BAD: variants seen among roughly 807,000 people sequenced by gnomAD.
BAD encodes the protein bcl2-associated agonist of cell death.
BAD carries 18 observed loss-of-function variants against 17.8 expected under a neutral mutation model. The observed-to-expected ratio is 1.01, with a 90% CI of 0.70 to 1.50. BAD has a LOEUF of 1.50. BAD is among the 40% of genes most tolerant of loss of function. The probability of loss-of-function intolerance (pLI) is 0.00; values close to 1 mark genes in which losing one functional copy is unlikely to be tolerated. For synonymous variants in BAD, 112 were observed against 91.5 expected (o/e 1.22, Z -1.28); for missense variants, 294 against 239.3 (o/e 1.23, Z -1.51).
chr11:64,284,596 C>T (rs2033729026), intron 1 of BAD, 35 bp downstream of exon 1: 11 of 1,498,296 alleles, frequency 7.3e-6, no homozygotes, highest in Non-Finnish European at 9.8e-6. Flanking sequence ...GACCCAGGCC[C>T]CGCCCCGCCC....
chr11:64,278,157 G>T (rs994890458), intron 2 of BAD, among the ~76,000 whole-genome samples: 14 of 152,024 alleles, frequency 9.2e-5, no homozygotes, highest in Non-Finnish European at 1.9e-4. Context: ...AGCCAGGCAT[G>T]GTGGCGTGCG....
chr11:64,271,614 T>C lies in BAD; in HGVS notation c.377A>G (p.Lys126Arg). Residue 126 changes from lysine (K) to arginine (R), a missense_variant and splice_region_variant, in exon 3 of 4, where the codon AAG becomes AGG. Physicochemically the swap from Lys to Arg is conservative, Grantham distance 26. Coordinates refer to ENST00000309032, the MANE Select transcript of BAD (RefSeq NM_032989.3). ...GGCACGCTGGGGACTGGCGCTCACCTTAAAGGAGTCCACAAACTCGTCACT... is the reference window on the plus strand; with the variant it reads ...GGCACGCTGGGGACTGGCGCTCACCCTAAAGGAGTCCACAAACTCGTCACT... ...RMSDEFVDSF[K>R]KGLPRPKSAG... The C allele has an allele frequency of 6.7e-7, 1 of 1,484,916 alleles. No individual in the cohort carries two copies. Among genetic ancestry groups the C allele is most frequent in the Admixed American group, 2.4e-5 (1 of 42,174 alleles). The allele number at this position is 1,484,916 out of a possible 1,614,324, so 92.0% of individuals were successfully genotyped here. A position where few individuals can be genotyped will look rare whatever the true frequency, so the allele number is the denominator to read the frequency against.
rs2032392303 is a variant in BAD, at chr11:64,270,070, A to C, written c.*139T>G. 3.5e-6 allele frequency: 5 copies of C among 1,419,274 alleles called. No homozygotes were observed. Among genetic ancestry groups the C allele is most frequent in the African/African-American group, 2.8e-5 (2 of 70,248 alleles). 87.9% of individuals were successfully genotyped at this position (1,419,274 alleles called of 1,614,324 possible). A position where few individuals can be genotyped will look rare whatever the true frequency, so the allele number is the denominator to read the frequency against. On this transcript the variant is annotated 3_prime_UTR_variant, in exon 4 of 4. Transcript: ENST00000309032. ...GTGGCTTCACACGCACCGGAAGGGA[A>C]TCTGGGTCAGCCCTCCCTCCAAAGG...
intron 2 of BAD, among the ~76,000 whole-genome samples, chr11:64,283,634 G>T (rs1037352728): frequency 1.3e-5 from 2 of 152,216 alleles, no homozygotes; most frequent in Non-Finnish European, 2.9e-5. Flanking sequence ...TAATCCCAGG[G>T]AAAGCATGTA....
At chr11:64,282,942 C>T (rs1171587741) in intron 2 of BAD, among the ~76,000 whole-genome samples, 1 of 151,774 alleles carries the variant, frequency 6.6e-6, no homozygotes, top group Non-Finnish European at 1.5e-5. Context: ...GTCCACACAC[C>T]TGTATTCCCA....
chr11:64,269,931 G>T lies in BAD; in HGVS notation c.*278C>A, dbSNP rs1388075044. 1.4e-6 allele frequency: 1 copy of T among 711,694 alleles called. No homozygotes were observed. The highest frequency in any genetic ancestry group is 2.5e-6 in the Non-Finnish European group (1 of 396,796). The allele number at this position is 711,694 out of a possible 1,614,324, so 44.1% of individuals were successfully genotyped here. ...GTGACGCAACGGTTAAACCTGGCTC[G>T]CGACTTAGCGCAGGCGCCTGGGGGA... is the stretch of plus-strand genomic sequence containing the variant. On this transcript the variant is annotated 3_prime_UTR_variant, in exon 4 of 4. Coordinates refer to ENST00000309032, the MANE Select transcript of BAD (RefSeq NM_032989.3).
At chr11:64,278,155 A>C (rs963810975) in intron 2 of BAD, among the ~76,000 whole-genome samples, 1 of 152,050 alleles carries the variant, frequency 6.6e-6, no homozygotes, top group African/African-American at 2.4e-5. Flanking sequence ...TTAGCCAGGC[A>C]TGGTGGCGTG....
At chr11:64,270,577 G>A (rs2032431386) in intron 3 of BAD, 2 of 703,578 alleles carry the variant, frequency 2.8e-6, no homozygotes, top group Non-Finnish European at 5.1e-6. Flanking sequence ...GGATGCCTAG[G>A]GCCCTAAATG....
chr11:64,274,160 A>C (rs2032859275), intron 2 of BAD, among the ~76,000 whole-genome samples: 1 of 152,160 alleles, frequency 6.6e-6, no homozygotes, highest in South Asian at 2.1e-4. Flanking sequence ...TGGGAGGCCG[A>C]GGCAGGCGCA....
chr11:64,282,703 C>G (rs1428569180), intron 2 of BAD, among the ~76,000 whole-genome samples: 1 of 151,578 alleles, frequency 6.6e-6, no homozygotes, highest in East Asian at 1.9e-4. Flanking sequence ...CACGGTGAAA[C>G]CCCATCTCTA....
Position 64,269,894 on chromosome 11 carries a change from G to A in BAD, c.*315C>T, listed in dbSNP as rs769570355. ...GCACGGCCCCCAGGGCATCGCGGGG[G>A]CTCGGGTCCCGGTGACGCAACGGTT... is the stretch of plus-strand genomic sequence containing the variant. On this transcript the variant is annotated 3_prime_UTR_variant, in exon 4 of 4. Transcript: ENST00000309032. 4.3e-6 allele frequency: 3 copies of A among 700,112 alleles called. No individual in the cohort carries two copies. The highest frequency in any genetic ancestry group is 1.7e-5 in the African/African-American group (1 of 57,186). 43.4% of individuals were successfully genotyped at this position (700,112 alleles called of 1,614,324 possible).
chr11:64,270,275 C>T lies in BAD; in HGVS notation c.441G>A (p.Trp147Ter), dbSNP rs779121910. Residue 147 changes from tryptophan (W) to a stop codon, truncating the protein, a stop_gained, in exon 4 of 4, where the codon TGG becomes TGA. Coordinates refer to ENST00000309032, the MANE Select transcript of BAD (RefSeq NM_032989.3). LOFTEE classifies it high-confidence loss of function. The stretch of plus-strand genomic sequence containing the variant: ...CCCACCAGGACTGGAAGACTCGCGT[C>T]CAGCTGGAGCTTTGCCGCATCTGCG... ...TATQMRQSSS[W>*]TRVFQSWWDR... 20 of 1,590,342 alleles carry T rather than the reference C, an allele frequency of 1.3e-5. No individual in the cohort carries two copies. Among genetic ancestry groups the T allele is most frequent in the Non-Finnish European group, 1.7e-5 (20 of 1,163,308 alleles).
At chr11:64,280,594 G>A (rs895755336) in intron 2 of BAD, among the ~76,000 whole-genome samples, 14 of 150,508 alleles carry the variant, frequency 9.3e-5, no homozygotes, top group East Asian at 6.1e-4. Context: ...CTCGTGATCC[G>A]CCCGCCTCGG....
chr11:64,274,318 C>T (rs180702686), intron 2 of BAD, among the ~76,000 whole-genome samples: 1,515 of 151,336 alleles, frequency 0.01, 10 homozygotes, highest in Non-Finnish European at 0.016. Context: ...ACCCGGGAGG[C>T]GGAGCTTGCA....
chr11:64,271,379 ACT>A (rs1285035817), intron 3 of BAD, among the ~76,000 whole-genome samples: 1 of 85,728 alleles, frequency 1.2e-5, no homozygotes, highest in African/African-American at 3.6e-5. Context: ...ATGCCCTGTG[ACT>A]CACACACACA....
rs1268846327 is a variant in BAD, at chr11:64,277,074, C to T, written c.188-5271G>A. 13 of 699,312 alleles carry T rather than the reference C, an allele frequency of 1.9e-5. No individual in the cohort carries two copies. The East Asian group carries it at 3.3e-4, about 17-fold the overall frequency. 43.3% of individuals were successfully genotyped at this position (699,312 alleles called of 1,614,324 possible). The stretch of plus-strand genomic sequence containing the variant: ...TTATAGATGAGGAAACAGAGGCACA[C>T]TTAATTACAAGACACTTGCACACTG... On this transcript the variant is annotated intron_variant, in intron 2 of 3. Coordinates refer to ENST00000309032, the MANE Select transcript of BAD (RefSeq NM_032989.3).
At chr11:64,276,925 G>A (rs753073812) in intron 2 of BAD, 14 of 761,698 alleles carry the variant, frequency 1.8e-5, no homozygotes, top group Middle Eastern at 2.3e-4. Flanking sequence ...CATTCTCTGC[G>A]TGTTGGGCTT....
Position 64,278,843 on chromosome 11 carries a change from C to T in BAD, c.187+5339G>A, listed in dbSNP as rs117365689. On this transcript the variant is annotated intron_variant, in intron 2 of 3. Transcript: ENST00000309032. The stretch of plus-strand genomic sequence containing the variant: ...GTGACCGAACCAAGTGTGAGTTGCT[C>T]TGCGCAGGTAGAGAGGGCAGAGGCC... Among the ~76,000 whole-genome samples, 587 of 152,328 alleles carry T rather than the reference C, an allele frequency of 3.9e-3. 2 individuals are homozygous for T. The highest frequency in any genetic ancestry group is 7.6e-3 in the Admixed American group (116 of 15,304).
intron 2 of BAD, among the ~76,000 whole-genome samples, chr11:64,278,358 A>G (rs2033205886): frequency 6.7e-6 from 1 of 149,600 alleles, no homozygotes; most frequent in South Asian, 2.1e-4. Context: ...GTGAGGCTCC[A>G]TCTTGGAAAA....
Sources: allele counts gnomAD v4.1 joint callset (sites outside exome capture counted in the v4.1 genomes callset), GRCh38; gene constraint gnomAD v4.1.1; transcripts MANE v1.5; gene names NCBI Gene and HGNC (gene_info 2026-07-23, HGNC 2026-07-21).